Variants in CSGALNACT1 observed in about 807,000 individuals in gnomAD.
CSGALNACT1 encodes chondroitin sulfate N-acetylgalactosaminyltransferase 1.
CSGALNACT1 carries 52 observed loss-of-function variants against 51.0 expected under a neutral mutation model. That is an observed-to-expected ratio of 1.02 (90% CI 0.82 to 1.29). The LOEUF (loss-of-function observed/expected upper bound fraction) is 1.29. CSGALNACT1 is among the 50% of genes most tolerant of loss of function. The pLI, the probability that CSGALNACT1 is intolerant of heterozygous loss-of-function variation, is 0.00. For missense variants in CSGALNACT1, 935 were observed against 679.2 expected, an observed-to-expected ratio of 1.38 and a Z score of -4.19; for synonymous variants, 341 against 254.4, an observed-to-expected ratio of 1.34 and a Z score of -3.24.
At chr8:19,629,203 A>T (rs1310940971) in intron 1 of CSGALNACT1, among the ~76,000 whole-genome samples, 1 of 152,212 alleles carries the variant, frequency 6.6e-6, no homozygotes, top group African/African-American at 2.4e-5. Context: ...ATCGAAAAAA[A>T]CCGTTTAGTT....
intron 6 of CSGALNACT1, among the ~76,000 whole-genome samples, chr8:19,428,825 ATGTG>A (rs59241616): frequency 0.12 from 17,161 of 143,074 alleles, 1,339 homozygotes; most frequent in East Asian, 0.37. Context: ...AAGACATGAT[ATGTG>A]TGTGTGTGTG....
intron 1 of CSGALNACT1, among the ~76,000 whole-genome samples, chr8:19,700,663 G>A (rs754890616): frequency 1.3e-5 from 2 of 152,068 alleles, no homozygotes; most frequent in Non-Finnish European, 2.9e-5. Flanking sequence ...ATCTCTTTCT[G>A]TAATTGTCCT....
chr8:19,586,273 C>T (rs762242247), intron 3 of CSGALNACT1, among the ~76,000 whole-genome samples: 9 of 152,056 alleles, frequency 5.9e-5, no homozygotes, highest in South Asian at 2.1e-4. Context: ...GCAGAAGAGT[C>T]GCTTGAACCT....
intron 6 of CSGALNACT1, among the ~76,000 whole-genome samples, chr8:19,438,268 T>A (rs1448425053): frequency 6.6e-6 from 1 of 152,148 alleles, no homozygotes; most frequent in Non-Finnish European, 1.5e-5. Context: ...ATACAATTGT[T>A]CTCAATTGTG....
chr8:19,586,985 C>A lies in CSGALNACT1; in HGVS notation c.-297+4175G>T, dbSNP rs146120462. Among the ~76,000 whole-genome samples, 320 of 152,286 alleles carry A rather than the reference C, an allele frequency of 2.1e-3. 2 individuals carry two copies. Among genetic ancestry groups the A allele is most frequent in the African/African-American group, 7.0e-3 (292 of 41,548 alleles). ...CTCTGGGAAACGCTGGTCTCATGTG[C>A]TTGTCCTTCAATAATGATTTCAAGA... On this transcript the variant is annotated intron_variant, in intron 3 of 9. Coordinates refer to ENST00000454498, the Ensembl canonical transcript of CSGALNACT1.
At chr8:19,552,272 G>C (rs540144074) in intron 3 of CSGALNACT1, among the ~76,000 whole-genome samples, 9 of 152,250 alleles carry the variant, frequency 5.9e-5, no homozygotes, top group Admixed American at 1.3e-4. Context: ...CAGTAAGAAA[G>C]TGGACTTAAG....
At chr8:19,561,147 G>C (rs1251081685) in intron 3 of CSGALNACT1, among the ~76,000 whole-genome samples, 1 of 152,082 alleles carries the variant, frequency 6.6e-6, no homozygotes, top group Admixed American at 6.6e-5. Flanking sequence ...ATAAAAATGA[G>C]AAGACTAGGT....
chr8:19,444,241 T>G (rs1402284212), intron 5 of CSGALNACT1, among the ~76,000 whole-genome samples: 2 of 152,234 alleles, frequency 1.3e-5, no homozygotes, highest in Non-Finnish European at 2.9e-5. Context: ...CCAGATTACT[T>G]TTAACACCCA....
At chr8:19,719,808 A>C (rs1170800222) in intron 1 of CSGALNACT1, among the ~76,000 whole-genome samples, 3 of 152,158 alleles carry the variant, frequency 2.0e-5, no homozygotes, top group African/African-American at 4.8e-5. Flanking sequence ...CCAGGCAGCC[A>C]TACATTCTTC....
At chr8:19,728,774 G>A (rs1268536795) in intron 1 of CSGALNACT1, among the ~76,000 whole-genome samples, 2 of 151,938 alleles carry the variant, frequency 1.3e-5, no homozygotes, top group East Asian at 1.9e-4. Flanking sequence ...AAAAATTCTC[G>A]AACATTTTTA....
chr8:19,522,840 G>T (rs543295509), intron 3 of CSGALNACT1, among the ~76,000 whole-genome samples: 1 of 152,036 alleles, frequency 6.6e-6, no homozygotes, highest in East Asian at 1.9e-4. Flanking sequence ...CATTCCCAAG[G>T]CTCAAAAAAA....
intron 1 of CSGALNACT1, among the ~76,000 whole-genome samples, chr8:19,631,592 G>A (rs962175127): frequency 6.6e-6 from 1 of 152,188 alleles, no homozygotes; most frequent in African/African-American, 2.4e-5. Flanking sequence ...ATTGCTGAAG[G>A]AAAGGCTGAT....
chr8:19,646,029 A>C (rs1454757856), intron 1 of CSGALNACT1, among the ~76,000 whole-genome samples: 1 of 152,212 alleles, frequency 6.6e-6, no homozygotes, highest in Admixed American at 6.5e-5. Context: ...TAAAAGAAAA[A>C]TAACAAGAAA....
chr8:19,590,901 T>G (rs2047677249), intron 3 of CSGALNACT1, among the ~76,000 whole-genome samples: 1 of 152,136 alleles, frequency 6.6e-6, no homozygotes, highest in Non-Finnish European at 1.5e-5. Flanking sequence ...TCTGCCCACC[T>G]TGGCCTCCCA....
intron 3 of CSGALNACT1, among the ~76,000 whole-genome samples, chr8:19,523,429 TA>T (rs1161302387): frequency 6.6e-6 from 1 of 151,966 alleles, no homozygotes; most frequent in Non-Finnish European, 1.5e-5. Flanking sequence ...GATGCCCAGC[TA>T]ATTTTTTTTT....
At chr8:19,729,846 G>A (rs2063594630) in intron 1 of CSGALNACT1, among the ~76,000 whole-genome samples, 1 of 152,116 alleles carries the variant, frequency 6.6e-6, no homozygotes, top group Admixed American at 6.5e-5. Flanking sequence ...AGAGCTGAAC[G>A]GGGTCCCATG....
intron 4 of CSGALNACT1, among the ~76,000 whole-genome samples, chr8:19,504,646 G>A (rs891856141): frequency 6.6e-6 from 1 of 152,178 alleles, no homozygotes; most frequent in Non-Finnish European, 1.5e-5. Context: ...ATAATGTAGA[G>A]GTTAAGGACA....
At chr8:19,460,458 G>T (rs1363842745) in intron 4 of CSGALNACT1, among the ~76,000 whole-genome samples, 1 of 152,128 alleles carries the variant, frequency 6.6e-6, no homozygotes, top group African/African-American at 2.4e-5. Flanking sequence ...ATGCTTCTGG[G>T]CATCCACTGT....
rs141285711 is a variant in CSGALNACT1, at chr8:19,660,529, G to A, written c.-544+21944C>T. The stretch of plus-strand genomic sequence containing the variant: ...TTGGGAGGAATACCAATGCTTTGCC[G>A]TAGCCAGGTGATTTGGGGGTAACTG... On this transcript the variant is annotated intron_variant, in intron 1 of 9. Coordinates refer to the CSGALNACT1 transcript ENST00000332246. Among the ~76,000 whole-genome samples, 80 of 152,250 alleles carry A rather than the reference G, an allele frequency of 5.3e-4. No homozygotes were observed. In the East Asian group the frequency reaches 0.012, roughly 23 times the overall value.
Sources: allele counts gnomAD v4.1 joint callset (sites outside exome capture counted in the v4.1 genomes callset), GRCh38; gene constraint gnomAD v4.1.1; transcripts MANE v1.5; gene names NCBI Gene and HGNC (gene_info 2026-07-23, HGNC 2026-07-21).